SLC25A44: variants seen among roughly 807,000 people sequenced by gnomAD.
The protein encoded by SLC25A44 is solute carrier family 25, member 44.
In SLC25A44, 17 loss-of-function variants were observed where a neutral mutation model predicts 29.9. The ratio of observed to expected loss-of-function variants is 0.57; its 90% CI spans 0.39 to 0.85. The LOEUF (loss-of-function observed/expected upper bound fraction) is 0.85. SLC25A44 is among the 40% of genes least tolerant of loss of function. The pLI is 0.00. For missense variants in SLC25A44, 302 were observed against 398.4 expected, an observed-to-expected ratio of 0.76 and a Z score of 2.06; for synonymous variants, 140 against 151.8, an observed-to-expected ratio of 0.92 and a Z score of 0.57.
rs1461460561 is a variant in SLC25A44 at position 156,212,560 on chromosome 1, G to C, written c.*2129G>C. 6.2e-6 allele frequency: 1 copy of C among 160,646 alleles called. No homozygotes were observed. The highest frequency in any genetic ancestry group is 2.4e-5 in the African/African-American group (1 of 41,556). The allele number at this position is 160,646 out of a possible 1,614,324, so 10.0% of individuals were successfully genotyped here. On this transcript the variant is annotated 3_prime_UTR_variant, in exon 4 of 4. Coordinates refer to ENST00000359511, the MANE Select transcript of SLC25A44 (RefSeq NM_014655.4). ...GTTTGACTGAAATATGTTTTGGTGG[G>C]GATGGGACGGTGGACTTCCATTCTC...
rs753651061 is a variant in SLC25A44 at position 156,198,017 on chromosome 1, G to A, written c.-13-1818G>A. 1.3e-5 allele frequency: 2 copies of A among 152,236 alleles called. No individual in the cohort carries two copies. The highest frequency in any genetic ancestry group is 2.9e-5 in the Non-Finnish European group (2 of 68,046). The allele number at this position is 152,236 out of a possible 1,614,324, so 9.4% of individuals were successfully genotyped here. On this transcript the variant is annotated intron_variant, in intron 1 of 3. Transcript: ENST00000359511. The surrounding 1 kb of genome is among the most constrained non-coding windows in gnomAD (Gnocchi z 4.1). ...AAGCCTGAGTTGGGACCTTTGGCTG[G>A]GGAAGGTGGTTGAGGACGTTCTCTG... is the stretch of plus-strand genomic sequence containing the variant.
Position 156,211,591 on chromosome 1 carries a change from T to C in SLC25A44, c.*1160T>C, listed in dbSNP as rs1043934743. On this transcript the variant is annotated 3_prime_UTR_variant, in exon 4 of 4. Transcript: ENST00000359511. ...ACTGGATGCGTAGTCATCCCAGTCA[T>C]GGTACCCTGTGGAGGAATGCTGGAA... The C allele has an allele frequency of 6.6e-6, 1 of 152,582 alleles. No individual in the cohort carries two copies. Among genetic ancestry groups the C allele is most frequent in the African/African-American group, 2.4e-5 (1 of 41,452 alleles). 9.5% of individuals were successfully genotyped at this position (152,582 alleles called of 1,614,324 possible). A position where few individuals can be genotyped will look rare whatever the true frequency, so the allele number is the denominator to read the frequency against.
At chr1:156,201,220 A>G (rs1012265889) in intron 2 of SLC25A44, among the ~76,000 whole-genome samples, 1 of 152,112 alleles carries the variant, frequency 6.6e-6, no homozygotes, top group African/African-American at 2.4e-5. Context: ...CTTTTTAAGT[A>G]TTTCCTATTT....
intron 1 of SLC25A44, among the ~76,000 whole-genome samples, chr1:156,195,444 C>T (rs1186448298): frequency 6.6e-6 from 1 of 152,172 alleles, no homozygotes; most frequent in Non-Finnish European, 1.5e-5. Context: ...CTCAAAGGCT[C>T]AAATGCCATT....
At position 156,200,143 on chromosome 1, in the gene SLC25A44, A is replaced by G; in HGVS notation, c.296A>G (p.Lys99Arg). The stretch of plus-strand genomic sequence containing the variant: ...GTCACCACTTATGAGCTCACCCGGA[A>G]GTTTGTAGCTGACTACAGCCAGAGT... ...CYVTTYELTR[K>R]FVADYSQSNT... The change falls in exon 2 of 4, where the codon AAG (lysine) becomes AGG (arginine). Residue 99 changes from lysine to arginine, a missense_variant. Coordinates refer to ENST00000359511, the MANE Select transcript of SLC25A44 (RefSeq NM_014655.4). 1 of 1,614,166 alleles carries G rather than the reference A, an allele frequency of 6.2e-7. No individual in the cohort carries two copies. Among genetic ancestry groups the G allele is most frequent in the Non-Finnish European group, 8.5e-7 (1 of 1,180,024 alleles).
At chr1:156,206,957 T>A (rs899577203) in intron 2 of SLC25A44, among the ~76,000 whole-genome samples, 1 of 152,152 alleles carries the variant, frequency 6.6e-6, no homozygotes, top group Admixed American at 6.5e-5. Flanking sequence ...GGCTTTTACA[T>A]CAGGAAGGAT....
intron 2 of SLC25A44, among the ~76,000 whole-genome samples, chr1:156,202,457 G>A (rs1489406584): frequency 1.3e-5 from 2 of 152,182 alleles, no homozygotes; most frequent in African/African-American, 4.8e-5. Flanking sequence ...AGTCTGTGCT[G>A]TAGCCTGGGC....
At chr1:156,204,541 CAA>C (rs1656809494) in intron 2 of SLC25A44, among the ~76,000 whole-genome samples, 1 of 151,966 alleles carries the variant, frequency 6.6e-6, no homozygotes, top group Admixed American at 6.6e-5. Flanking sequence ...GGCTGGAGTG[CAA>C]TGGCATGATC....
chr1:156,207,749 T>G (rs1199406569), intron 2 of SLC25A44, 137 bp from the exon 3 acceptor site: 5 of 820,594 alleles, frequency 6.1e-6, no homozygotes, highest in African/African-American at 3.4e-5. Context: ...GCAGAGAAAA[T>G]AAAAGATAGG....
chr1:156,208,703 T>C (rs1657110279), intron 3 of SLC25A44, among the ~76,000 whole-genome samples: 1 of 152,202 alleles, frequency 6.6e-6, no homozygotes, highest in African/African-American at 2.4e-5. Context: ...TCGATTTCAG[T>C]TAATTCATAA....
intron 2 of SLC25A44, among the ~76,000 whole-genome samples, chr1:156,201,135 A>G (rs1264637800): frequency 3.9e-5 from 6 of 152,062 alleles, no homozygotes; most frequent in African/African-American, 7.2e-5. Flanking sequence ...GCCCCTCAGC[A>G]TTTTAAATTC....
chr1:156,197,793 A>G (rs1046873309), intron 1 of SLC25A44: 3 of 152,150 alleles, frequency 2.0e-5, no homozygotes, highest in African/African-American at 7.2e-5. Flanking sequence ...TCCTGTAGGA[A>G]TCCTGTGCGG....
At chr1:156,207,808 TGGTAGAAGCA>T (rs1010675807) in intron 2 of SLC25A44, 68 bp from the exon 3 acceptor site, 1 of 1,557,626 alleles carries the variant, frequency 6.4e-7, no homozygotes, top group African/African-American at 1.4e-5. Flanking sequence ...GAAAGCCACC[TGGTAGAAGCA>T]GCAAGCACAG....
At chr1:156,205,667 C>T (rs1316470586) in intron 2 of SLC25A44, among the ~76,000 whole-genome samples, 2 of 152,154 alleles carry the variant, frequency 1.3e-5, no homozygotes, top group Non-Finnish European at 2.9e-5. Context: ...AATGGCAACC[C>T]CTTCCCTTCC....
At chr1:156,206,693 C>T (rs1055544069) in intron 2 of SLC25A44, among the ~76,000 whole-genome samples, 12 of 151,990 alleles carry the variant, frequency 7.9e-5, no homozygotes, top group African/African-American at 2.7e-4. Context: ...CCACCATGCC[C>T]GGCTAATTTT....
At chr1:156,197,162 T>G (rs1331842000) in intron 1 of SLC25A44, 1 of 152,246 alleles carries the variant, frequency 6.6e-6, no homozygotes, top group East Asian at 1.9e-4. Flanking sequence ...CTTGCGACCC[T>G]AGATGGCAGC....
chr1:156,202,486 C>T (rs558978030), intron 2 of SLC25A44, among the ~76,000 whole-genome samples: 1 of 152,310 alleles, frequency 6.6e-6, no homozygotes, highest in East Asian at 1.9e-4. Flanking sequence ...CACAATTCCT[C>T]AACCATACAT....
In SLC25A44 at chr1:156,212,765, A is replaced by C; in HGVS notation, c.*2334A>C. Reference sequence around the variant, plus strand: ...CTGTTGCACTGTACGAAGTCTCTGAAATGTAATTAAAAGTTTTTATTGAGC... The same window carrying C: ...CTGTTGCACTGTACGAAGTCTCTGACATGTAATTAAAAGTTTTTATTGAGC... On this transcript the variant is annotated 3_prime_UTR_variant, in exon 4 of 4. Coordinates refer to ENST00000359511, the MANE Select transcript of SLC25A44 (RefSeq NM_014655.4). 1.9e-6 allele frequency: 1 copy of C among 536,074 alleles called. No homozygotes were observed. Among genetic ancestry groups the C allele is most frequent in the Non-Finnish European group, 3.3e-6 (1 of 299,064 alleles). 33.2% of individuals were successfully genotyped at this position (536,074 alleles called of 1,614,324 possible). A position where few individuals can be genotyped will look rare whatever the true frequency, so the allele number is the denominator to read the frequency against.
At chr1:156,200,961 G>T (rs916691625) in intron 2 of SLC25A44, among the ~76,000 whole-genome samples, 2 of 149,416 alleles carry the variant, frequency 1.3e-5, no homozygotes, top group East Asian at 4.0e-4. Context: ...TCAGCCTCCC[G>T]AGTAGCTGGG....
Sources: allele counts gnomAD v4.1 joint callset (sites outside exome capture counted in the v4.1 genomes callset), GRCh38; gene constraint gnomAD v4.1.1; non-coding constraint Gnocchi (gnomAD v3.1); transcripts MANE v1.5; gene names NCBI Gene and HGNC (gene_info 2026-07-23, HGNC 2026-07-21).